GABBR2: variants seen among roughly 807,000 people sequenced by gnomAD.
GABBR2 encodes G-protein coupled receptor 51.
In GABBR2, 23 loss-of-function variants were observed where a neutral mutation model predicts 105.6. That is an observed-to-expected ratio of 0.22 (90% CI 0.16 to 0.31). The LOEUF (loss-of-function observed/expected upper bound fraction) is 0.31. Among genes scored for constraint, GABBR2 ranks in the 10% least tolerant of loss-of-function variants. The pLI, the probability that GABBR2 is intolerant of heterozygous loss-of-function variation, is 1.00. For missense variants in GABBR2, 734 were observed against 1,245.5 expected (o/e 0.59, Z 6.18); for synonymous variants, 478 against 499.7 (o/e 0.96, Z 0.58).
chr9:98,515,081 G>A lies in GABBR2; in HGVS notation c.631-18567C>T, dbSNP rs535931737. Reference sequence around the variant, plus strand: ...CAAGAGAATGAGCCAAGGAAGGATGGACCCTTCCCCAGGTGGGACTGAGCT... The same window carrying A: ...CAAGAGAATGAGCCAAGGAAGGATGAACCCTTCCCCAGGTGGGACTGAGCT... On this transcript the variant is annotated intron_variant, in intron 3 of 18. Transcript: ENST00000259455. 2.1e-3 allele frequency among the ~76,000 whole-genome samples: 327 copies of A among 152,264 alleles called. 1 individual carries two copies. The highest frequency in any genetic ancestry group is 7.3e-3 in the African/African-American group (303 of 41,544).
At chr9:98,420,165 G>A (rs1832757126) in intron 7 of GABBR2, among the ~76,000 whole-genome samples, 1 of 152,116 alleles carries the variant, frequency 6.6e-6, no homozygotes, top group Non-Finnish European at 1.5e-5. Flanking sequence ...GAGGAGGGGA[G>A]GCCACATGCT....
At chr9:98,397,081 T>G (rs1424925235) in intron 8 of GABBR2, among the ~76,000 whole-genome samples, 1 of 152,206 alleles carries the variant, frequency 6.6e-6, no homozygotes, top group African/African-American at 2.4e-5. Context: ...CAACTGAACA[T>G]GGGTCTCCTA....
intron 12 of GABBR2, among the ~76,000 whole-genome samples, chr9:98,366,213 G>C (rs1242156561): frequency 6.6e-6 from 1 of 152,136 alleles, no homozygotes; most frequent in Admixed American, 6.5e-5. Context: ...CTGTTCAACA[G>C]ATCCAGCGAT....
chr9:98,384,040 A>G (rs1364884845), intron 11 of GABBR2, among the ~76,000 whole-genome samples: 1 of 152,162 alleles, frequency 6.6e-6, no homozygotes, highest in Non-Finnish European at 1.5e-5. Flanking sequence ...AGTGCTCTCA[A>G]CGTCTTGAAA....
At chr9:98,634,267 C>T (rs897012208) in intron 1 of GABBR2, among the ~76,000 whole-genome samples, 3 of 152,290 alleles carry the variant, frequency 2.0e-5, no homozygotes, top group South Asian at 2.1e-4. Context: ...AATGTGAGCC[C>T]GCTGCATGGG....
intron 7 of GABBR2, among the ~76,000 whole-genome samples, chr9:98,434,571 G>T (rs1262772545): frequency 6.6e-6 from 1 of 152,200 alleles, no homozygotes; most frequent in Non-Finnish European, 1.5e-5. Context: ...ATAAGAAGTT[G>T]GGAAGAGATG....
At chr9:98,646,076 C>A (rs959827936) in intron 1 of GABBR2, among the ~76,000 whole-genome samples, 4 of 152,106 alleles carry the variant, frequency 2.6e-5, no homozygotes, top group Admixed American at 6.5e-5. Flanking sequence ...GTTAACACAG[C>A]GGGTCTGAGA....
At chr9:98,324,962 A>G (rs77988361) in intron 13 of GABBR2, among the ~76,000 whole-genome samples, 268 of 152,264 alleles carry the variant, frequency 1.8e-3, no homozygotes, top group African/African-American at 6.2e-3. Context: ...GCACACACAT[A>G]TAAGTCTTCT....
At chr9:98,417,731 A>T (rs1186147930) in intron 7 of GABBR2, among the ~76,000 whole-genome samples, 1 of 151,852 alleles carries the variant, frequency 6.6e-6, no homozygotes, top group East Asian at 1.9e-4. Context: ...AGATGACAGA[A>T]TTTTTTTGTG....
intron 13 of GABBR2, among the ~76,000 whole-genome samples, chr9:98,353,806 TG>T (rs35065605): frequency 0.21 from 32,474 of 151,752 alleles, 4,768 homozygotes; most frequent in African/African-American, 0.42. Flanking sequence ...TGGATCATGG[TG>T]GGGGGGGGTG....
intron 2 of GABBR2, among the ~76,000 whole-genome samples, chr9:98,570,177 C>T (rs2778902): frequency 0.29 from 44,661 of 152,078 alleles, 7,439 homozygotes; most frequent in East Asian, 0.62. Context: ...AGGAGACAGC[C>T]CCATGACACA....
intron 1 of GABBR2, among the ~76,000 whole-genome samples, chr9:98,649,869 A>C (rs1313861544): frequency 3.9e-5 from 6 of 152,178 alleles, no homozygotes; most frequent in African/African-American, 1.2e-4. Flanking sequence ...GTGGCCATTT[A>C]CCTTGCTTTA....
intron 1 of GABBR2, among the ~76,000 whole-genome samples, chr9:98,609,974 G>A (rs780901337): frequency 3.9e-5 from 6 of 152,322 alleles, no homozygotes; most frequent in Non-Finnish European, 7.4e-5. Context: ...ACCCAGACAC[G>A]GAGGCTGCAC....
At chr9:98,633,896 T>C (rs753862258) in intron 1 of GABBR2, among the ~76,000 whole-genome samples, 5 of 152,120 alleles carry the variant, frequency 3.3e-5, no homozygotes, top group Non-Finnish European at 7.4e-5. Flanking sequence ...TCAGTGCCGG[T>C]TGGGAGCTGT....
At chr9:98,640,830 G>A (rs1829950642) in intron 1 of GABBR2, among the ~76,000 whole-genome samples, 1 of 152,170 alleles carries the variant, frequency 6.6e-6, no homozygotes, top group Non-Finnish European at 1.5e-5. Context: ...AGGGCAGTGT[G>A]CCTGAGGGAC....
intron 1 of GABBR2, among the ~76,000 whole-genome samples, chr9:98,601,498 T>C (rs948651863): frequency 2.6e-5 from 4 of 152,114 alleles, no homozygotes; most frequent in Admixed American, 2.6e-4. Context: ...ACCTGGAGGA[T>C]GAAGCGAGAC....
At chr9:98,582,241 A>G (rs1048748730) in intron 1 of GABBR2, among the ~76,000 whole-genome samples, 12 of 152,222 alleles carry the variant, frequency 7.9e-5, no homozygotes, top group African/African-American at 2.4e-4. Flanking sequence ...TCTTTACCTA[A>G]TAGCAGAGGG....
chr9:98,324,493 GACACACACACACACACACACACACACAC>G (rs3983548), intron 13 of GABBR2, among the ~76,000 whole-genome samples: 5 of 143,274 alleles, frequency 3.5e-5, no homozygotes, highest in Non-Finnish European at 4.6e-5. Context: ...CTACAGAGCC[GACACACACACACACACACACACACACAC>G]ACACACACAC....
chr9:98,424,281 A>G (rs556987056), intron 7 of GABBR2, among the ~76,000 whole-genome samples: 93 of 152,218 alleles, frequency 6.1e-4, no homozygotes, highest in African/African-American at 2.0e-3. Context: ...AAATTCAACA[A>G]CGCTTCATGC....
Sources: allele counts gnomAD v4.1 joint callset (sites outside exome capture counted in the v4.1 genomes callset), GRCh38; gene constraint gnomAD v4.1.1; transcripts MANE v1.5; gene names NCBI Gene and HGNC (gene_info 2026-07-23, HGNC 2026-07-21).